The following DOCK2 variants were observed in gnomAD, a reference collection of about 807,000 sequenced individuals.
The protein encoded by DOCK2 is dedicator of cytokinesis protein 2.
A neutral mutation model predicts 248.9 loss-of-function variants in DOCK2; 87 were observed. The observed-to-expected ratio is 0.35, with a 90% CI of 0.29 to 0.42. The LOEUF is 0.42. Ranked by LOEUF, DOCK2 falls within the 10% of genes least tolerant of loss-of-function variation. The pLI, the probability that DOCK2 is intolerant of heterozygous loss-of-function variation, is 1.00. For synonymous variants in DOCK2, 805 were observed against 821.6 expected, an observed-to-expected ratio of 0.98 and a Z score of 0.35; for missense variants, 1,747 against 2,300.2, an observed-to-expected ratio of 0.76 and a Z score of 4.92.
At chr5:169,983,047 A>AT in intron 27 of DOCK2, 21 bp from the exon 28 acceptor site, 2 of 1,613,064 alleles carry the variant, frequency 1.2e-6, no homozygotes, top group Non-Finnish European at 1.7e-6. Flanking sequence ...TATTTATAGT[A>AT]TTTGTCTTCA....
In DOCK2 at chr5:169,995,038, T is replaced by A. The variant is rs897469608; in HGVS notation, c.2994-1048T>A. Among the ~76,000 whole-genome samples the A allele has an allele frequency of 6.4e-3, 970 of 151,404 alleles. 6 individuals carry two copies. The highest frequency in any genetic ancestry group is 0.01 in the East Asian group (52 of 5,178). On this transcript the variant is annotated intron_variant, in intron 29 of 51. Transcript: ENST00000520908. ...AGTATTGTTATTTTTTATTTTTTTT[T>A]TTTTTTTTTTGAGAGAGACTCTCAC...
chr5:170,027,524 C>T (rs542927944), intron 33 of DOCK2, among the ~76,000 whole-genome samples: 33 of 152,208 alleles, frequency 2.2e-4, no homozygotes, highest in African/African-American at 5.5e-4. Flanking sequence ...TCTGTTTCTG[C>T]GAAATTTCTA....
intron 25 of DOCK2, among the ~76,000 whole-genome samples, chr5:169,797,371 T>C (rs1294602320): frequency 6.6e-6 from 1 of 152,252 alleles, no homozygotes; most frequent in Non-Finnish European, 1.5e-5. Context: ...ATGGAGCTGA[T>C]ACTGGCAAGG....
chr5:169,735,887 A>C (rs1387717951), intron 22 of DOCK2, among the ~76,000 whole-genome samples: 1 of 152,052 alleles, frequency 6.6e-6, no homozygotes, highest in Non-Finnish European at 1.5e-5. Context: ...CAGGAAACTT[A>C]CAAACATGGC....
chr5:169,738,004 G>A (rs922392108), intron 22 of DOCK2, among the ~76,000 whole-genome samples: 3 of 152,104 alleles, frequency 2.0e-5, no homozygotes, highest in African/African-American at 7.2e-5. Context: ...GCAGTCCTGG[G>A]GACTGAGCCC....
intron 29 of DOCK2, 58 bp downstream of exon 29, chr5:169,985,980 C>T (rs913798572): frequency 2.0e-6 from 3 of 1,470,304 alleles, no homozygotes; most frequent in Non-Finnish European, 2.8e-6. Flanking sequence ...TCAAAGATCA[C>T]TTATTTTGGG....
chr5:169,875,185 T>TA (rs11390591), intron 27 of DOCK2: 35,254 of 455,882 alleles, frequency 0.077, 1,624 homozygotes, highest in African/African-American at 0.14. Context: ...ATTTTTTACC[T>TA]AAAAAAATCC....
Position 169,841,084 on chromosome 5 carries a change from G to GCGTACCAGCGCTAAATTGAT in DOCK2, c.2799+233_2799+234insGTACCAGCGCTAAATTGATC, listed in dbSNP as rs1477358397. ...GTTGAGTGTACCAGCGCTAAATTGA[G>GCGTACCAGCGCTAAATTGAT]CATACCAGCAAGGGTGGACTATCAC... is the stretch of plus-strand genomic sequence containing the variant. On this transcript the variant is annotated intron_variant, in intron 27 of 51. Coordinates refer to ENST00000520908, the MANE Select transcript of DOCK2 (RefSeq NM_004946.3). Among the ~76,000 whole-genome samples, 3 of 152,248 alleles carry GCGTACCAGCGCTAAATTGAT rather than the reference G, an allele frequency of 2.0e-5. No homozygotes were observed. In the East Asian group the frequency reaches 5.8e-4, roughly 29 times the overall value.
chr5:170,037,687 T>C lies in DOCK2; in HGVS notation c.3665+1132T>C, dbSNP rs369216447. ...TTTTAGTAGAGACGGGGTTTCACCATGTTGGCCAGGCTGGTCTCGAACTCC... is the reference window on the plus strand; with the variant it reads ...TTTTAGTAGAGACGGGGTTTCACCACGTTGGCCAGGCTGGTCTCGAACTCC... On this transcript the variant is annotated intron_variant, in intron 36 of 51. Coordinates refer to ENST00000520908, the MANE Select transcript of DOCK2 (RefSeq NM_004946.3). Among the ~76,000 whole-genome samples the C allele has an allele frequency of 9.2e-5, 14 of 152,198 alleles. No individual in the cohort carries two copies. In the East Asian group the frequency reaches 1.2e-3, roughly 13 times the overall value.
Position 169,804,490 on chromosome 5 carries a change from G to GCA in DOCK2, c.2703+1285_2703+1286insAC, listed in dbSNP as rs1280316587. Among the ~76,000 whole-genome samples the GCA allele has an allele frequency of 5.2e-3, 392 of 75,000 alleles. 3 individuals carry two copies. The highest frequency in any genetic ancestry group is 0.012 in the African/African-American group (383 of 33,106). The allele number at this position is 75,000 out of a possible 152,430, so 49.2% of individuals were successfully genotyped here. ...TGTGTGTGTGTGTGTGTGTGTGCGC[G>GCA]CGCGCGTGCGCGTAAGCATTTTTGT... On this transcript the variant is annotated intron_variant, in intron 26 of 51. Transcript: ENST00000520908.
rs188987073 is a variant in DOCK2, at chr5:169,939,193, T to A, written c.2800-43875T>A. Among the ~76,000 whole-genome samples, 352 of 149,826 alleles carry A rather than the reference T, an allele frequency of 2.3e-3. 1 individual carries two copies. The highest frequency in any genetic ancestry group is 3.4e-3 in the Non-Finnish European group (231 of 67,488). ...TGCTGGGATTACAGGCGTGAGCCACTGTGCCCGGCCTTTTTTTTTTTTTTA... is the reference window on the plus strand; with the variant it reads ...TGCTGGGATTACAGGCGTGAGCCACAGTGCCCGGCCTTTTTTTTTTTTTTA... On this transcript the variant is annotated intron_variant, in intron 27 of 51. Transcript: ENST00000520908.
chr5:169,719,713 C>T (rs1204520005), intron 22 of DOCK2, among the ~76,000 whole-genome samples: 1 of 152,178 alleles, frequency 6.6e-6, no homozygotes, highest in African/African-American at 2.4e-5. Flanking sequence ...AGTTTACATT[C>T]TACCAGTGGA....
At chr5:169,808,825 A>G (rs1163379026) in intron 26 of DOCK2, among the ~76,000 whole-genome samples, 10 of 152,208 alleles carry the variant, frequency 6.6e-5, no homozygotes, top group Admixed American at 2.0e-4. Context: ...TAAAGTGGGT[A>G]AAGATGACTC....
chr5:169,699,548 G>A (rs2112704), intron 12 of DOCK2, 90 bp downstream of exon 12: 47,393 of 1,270,236 alleles, frequency 0.037, 2,486 homozygotes, highest in South Asian at 0.2. Flanking sequence ...TGAACCCTGG[G>A]ATACTTAGCT....
intron 1 of DOCK2, among the ~76,000 whole-genome samples, chr5:169,644,604 T>C (rs1757344139): frequency 6.6e-6 from 1 of 152,094 alleles, no homozygotes; most frequent in Non-Finnish European, 1.5e-5. Flanking sequence ...TTGCCTTACC[T>C]TTTGTACCAC....
At chr5:170,014,937 A>G (rs1452582198) in intron 32 of DOCK2, among the ~76,000 whole-genome samples, 1 of 152,220 alleles carries the variant, frequency 6.6e-6, no homozygotes, top group African/African-American at 2.4e-5. Context: ...AAATATTTCA[A>G]TGAGACAGAG....
At chr5:169,971,957 C>A (rs575360716) in intron 27 of DOCK2, among the ~76,000 whole-genome samples, 1 of 152,208 alleles carries the variant, frequency 6.6e-6, no homozygotes, top group Non-Finnish European at 1.5e-5. Flanking sequence ...ATATATACTA[C>A]CACTCCCTGC....
At chr5:170,065,450 G>T (rs1757457453) in intron 44 of DOCK2, among the ~76,000 whole-genome samples, 1 of 151,522 alleles carries the variant, frequency 6.6e-6, no homozygotes, top group Non-Finnish European at 1.5e-5. Flanking sequence ...ACAATCAAAA[G>T]GAATAGAGTG....
At chr5:169,845,905 G>A (rs1203365158) in intron 27 of DOCK2, among the ~76,000 whole-genome samples, 1 of 152,168 alleles carries the variant, frequency 6.6e-6, no homozygotes, top group East Asian at 1.9e-4. Context: ...TTCATAAAAT[G>A]AGCCTTTCCA....
Sources: allele counts gnomAD v4.1 joint callset (sites outside exome capture counted in the v4.1 genomes callset), GRCh38; gene constraint gnomAD v4.1.1; transcripts MANE v1.5; gene names NCBI Gene and HGNC (gene_info 2026-07-23, HGNC 2026-07-21).